SGPP2: variants seen among roughly 807,000 people sequenced by gnomAD.
SGPP2 encodes the protein sphingosine-1-phosphate phosphatase 2.
In SGPP2, 30 loss-of-function variants were observed where a neutral mutation model predicts 33.9. The observed-to-expected ratio is 0.89, with a 90% CI of 0.66 to 1.20. SGPP2 has a LOEUF of 1.20. Ranked by LOEUF, SGPP2 falls within the 50% of genes most tolerant of loss-of-function variation. SGPP2 has a pLI of 0.00. For missense variants in SGPP2, 458 were observed against 532.1 expected, an observed-to-expected ratio of 0.86 and a Z score of 1.37; for synonymous variants, 233 against 225.0, an observed-to-expected ratio of 1.04 and a Z score of -0.32.
intron 4 of SGPP2, among the ~76,000 whole-genome samples, chr2:222,530,142 C>T (rs1168078564): frequency 6.6e-6 from 1 of 152,150 alleles, no homozygotes; most frequent in African/African-American, 2.4e-5. Context: ...GTGCTGTCAC[C>T]CAGACTTTGT....
At chr2:222,473,321 C>G (rs1179450544) in intron 1 of SGPP2, among the ~76,000 whole-genome samples, 1 of 152,130 alleles carries the variant, frequency 6.6e-6, no homozygotes. Context: ...TCTTCCAGCT[C>G]CTAGAGGCTG....
chr2:222,558,335 T>C lies in SGPP2; in HGVS notation c.649-12T>C. 2 of 1,612,798 alleles carry C rather than the reference T, an allele frequency of 1.2e-6. No individual in the cohort carries two copies. Among genetic ancestry groups the C allele is most frequent in the South Asian group, 2.2e-5 (2 of 90,998 alleles). ...CATTGGTTCACACTGTTCTTTTCTC[T>C]CCTTCCCAAAGGATGTGCTGGGTGG... is the stretch of plus-strand genomic sequence containing the variant. On this transcript the variant is annotated splice_polypyrimidine_tract_variant and intron_variant, in intron 4 of 4. Coordinates refer to ENST00000321276, the MANE Select transcript of SGPP2 (RefSeq NM_152386.4).
intron 2 of SGPP2, among the ~76,000 whole-genome samples, chr2:222,519,110 C>T (rs1698646891): frequency 6.6e-6 from 1 of 152,174 alleles, no homozygotes; most frequent in Non-Finnish European, 1.5e-5. Context: ...CCATCCATCA[C>T]GAGCTAAATA....
chr2:222,435,005 C>T (rs1559142605), intron 1 of SGPP2, among the ~76,000 whole-genome samples: 45 of 27,076 alleles, frequency 1.7e-3, no homozygotes, highest in African/African-American at 5.0e-3. Flanking sequence ...CACACACACA[C>T]ACACACATAT....
At chr2:222,499,099 A>G (rs1698327449) in intron 2 of SGPP2, among the ~76,000 whole-genome samples, 1 of 152,270 alleles carries the variant, frequency 6.6e-6, no homozygotes, top group South Asian at 2.1e-4. Context: ...AAGACATTTC[A>G]TCAAACACGG....
chr2:222,558,302 GA>G (rs780459376), intron 4 of SGPP2, 44 bp from the exon 5 acceptor site: 1 of 1,589,676 alleles, frequency 6.3e-7, no homozygotes, highest in South Asian at 1.1e-5. Flanking sequence ...TGTATACAAG[GA>G]AACACTCATT....
chr2:222,467,031 T>G (rs1433254137), intron 1 of SGPP2, among the ~76,000 whole-genome samples: 1 of 152,174 alleles, frequency 6.6e-6, no homozygotes, highest in African/African-American at 2.4e-5. Flanking sequence ...ACTTACTCTC[T>G]TAATGCCAGT....
chr2:222,525,058 T>A, intron 4 of SGPP2, 25 bp downstream of exon 4: 1 of 1,567,720 alleles, frequency 6.4e-7, no homozygotes, highest in Non-Finnish European at 8.7e-7. Context: ...TCAGGTCTTG[T>A]GGTGATTGTT....
At chr2:222,453,764 A>C (rs1421223125) in intron 1 of SGPP2, among the ~76,000 whole-genome samples, 1 of 152,248 alleles carries the variant, frequency 6.6e-6, no homozygotes, top group Admixed American at 6.5e-5. Context: ...CTTCCAGTTA[A>C]CAGTAGGCTA....
intron 4 of SGPP2, among the ~76,000 whole-genome samples, chr2:222,532,281 G>C (rs371932547): frequency 1.3e-5 from 2 of 148,166 alleles, no homozygotes; most frequent in Non-Finnish European, 3.0e-5. Flanking sequence ...TCTCAAAAAA[G>C]AAAAAAAAGA....
At chr2:222,444,509 AC>A (rs1697371310) in intron 1 of SGPP2, among the ~76,000 whole-genome samples, 1 of 152,134 alleles carries the variant, frequency 6.6e-6, no homozygotes, top group Non-Finnish European at 1.5e-5. Context: ...CAGACTGTGA[AC>A]CCTCTGGGGT....
chr2:222,495,278 G>A (rs1046416472), intron 2 of SGPP2, among the ~76,000 whole-genome samples: 2 of 152,016 alleles, frequency 1.3e-5, no homozygotes, highest in African/African-American at 4.8e-5. Flanking sequence ...GTCAGGTGTG[G>A]TGGCATGTGC....
At chr2:222,450,427 T>C (rs973890086) in intron 1 of SGPP2, among the ~76,000 whole-genome samples, 7 of 152,230 alleles carry the variant, frequency 4.6e-5, no homozygotes, top group African/African-American at 1.7e-4. Context: ...CATCAATTAG[T>C]TATAGGCTAT....
chr2:222,488,543 A>C (rs1313258748), intron 2 of SGPP2, among the ~76,000 whole-genome samples: 2 of 152,152 alleles, frequency 1.3e-5, no homozygotes, highest in African/African-American at 2.4e-5. Context: ...CATAAAACTG[A>C]TCCCAGTGCT....
At chr2:222,489,965 C>T (rs1032452732) in intron 2 of SGPP2, among the ~76,000 whole-genome samples, 2 of 151,988 alleles carry the variant, frequency 1.3e-5, no homozygotes, top group Non-Finnish European at 2.9e-5. Flanking sequence ...AACTCTGTCT[C>T]AAAAATAAAT....
intron 1 of SGPP2, among the ~76,000 whole-genome samples, chr2:222,447,285 C>G (rs1337482755): frequency 6.6e-6 from 1 of 152,186 alleles, no homozygotes; most frequent in Non-Finnish European, 1.5e-5. Flanking sequence ...ACTGACAGGA[C>G]TGAGTGTCAT....
intron 4 of SGPP2, among the ~76,000 whole-genome samples, chr2:222,527,623 G>T (rs1335443308): frequency 6.6e-6 from 1 of 152,198 alleles, no homozygotes; most frequent in African/African-American, 2.4e-5. Context: ...AGAAGAAGCT[G>T]GAGCAAGAGG....
In SGPP2 at chr2:222,473,734, G is replaced by C. The variant is rs191154174; in HGVS notation, c.220-834G>C. Among the ~76,000 whole-genome samples the C allele has an allele frequency of 3.2e-3, 484 of 152,210 alleles. 5 individuals are homozygous for C. The highest frequency in any genetic ancestry group is 0.011 in the African/African-American group (469 of 41,516). On this transcript the variant is annotated intron_variant, in intron 1 of 4. Transcript: ENST00000321276. ...GAGGTTGGGAGTTTGAGACGAGCCT[G>C]ACCAACATGGAGAAACCCCATCTCT...
At chr2:222,425,759 TAGA>T (rs1697059809) in intron 1 of SGPP2, among the ~76,000 whole-genome samples, 1 of 152,194 alleles carries the variant, frequency 6.6e-6, no homozygotes, top group Non-Finnish European at 1.5e-5. Context: ...TTGTTCTTCC[TAGA>T]AGGTTTTGGT....
Sources: gnomAD v4.1 joint callset for allele counts (sites outside exome capture counted in the v4.1 genomes callset) on GRCh38, gnomAD v4.1.1 for gene constraint, MANE v1.5 for transcripts, NCBI Gene and HGNC (gene_info 2026-07-23, HGNC 2026-07-21) for gene names.